Variants in CCSER1 observed in about 807,000 individuals in gnomAD.
CCSER1 encodes the protein serine-rich coiled-coil domain-containing protein 1.
Under a neutral mutation model 82.0 loss-of-function variants are expected in CCSER1, and 41 were observed. The ratio of observed to expected loss-of-function variants is 0.50; its 90% CI spans 0.39 to 0.65. The LOEUF (loss-of-function observed/expected upper bound fraction) is 0.65. Ranked by LOEUF, CCSER1 falls within the 30% of genes least tolerant of loss-of-function variation. CCSER1 has a pLI of 0.00. For synonymous variants in CCSER1, 414 were observed against 383.9 expected (o/e 1.08, Z -0.92); for missense variants, 1,119 against 1,064.2 (o/e 1.05, Z -0.72).
At chr4:91,191,665 T>C (rs543575804) in intron 10 of CCSER1, among the ~76,000 whole-genome samples, 1 of 152,266 alleles carries the variant, frequency 6.6e-6, no homozygotes, top group South Asian at 2.1e-4. Flanking sequence ...TTCAGGGAAA[T>C]TCAGGGGCAG....
intron 8 of CCSER1, among the ~76,000 whole-genome samples, chr4:90,856,357 C>A (rs1406909701): frequency 6.6e-6 from 1 of 152,028 alleles, no homozygotes; most frequent in South Asian, 2.1e-4. Flanking sequence ...AAGTAACATT[C>A]GATGTATCAA....
At chr4:90,927,383 T>G (rs1433769712) in intron 9 of CCSER1, among the ~76,000 whole-genome samples, 1 of 152,036 alleles carries the variant, frequency 6.6e-6, no homozygotes, top group Non-Finnish European at 1.5e-5. Context: ...TCTTTAAGAC[T>G]TCTGATGTTA....
intron 10 of CCSER1, among the ~76,000 whole-genome samples, chr4:91,482,408 C>CAAAA (rs537828832): frequency 1.6e-4 from 11 of 69,964 alleles, no homozygotes; most frequent in African/African-American, 2.4e-4. Flanking sequence ...GACTCCGTCT[C>CAAAA]AAAAAAAAAA....
At chr4:91,028,255 T>C (rs1200560934) in intron 9 of CCSER1, among the ~76,000 whole-genome samples, 1 of 152,098 alleles carries the variant, frequency 6.6e-6, no homozygotes, top group East Asian at 1.9e-4. Flanking sequence ...CATATACTTA[T>C]CAGAATGGAG....
intron 9 of CCSER1, among the ~76,000 whole-genome samples, chr4:91,046,269 TA>T (rs754877268): frequency 6.6e-6 from 1 of 152,070 alleles, no homozygotes; most frequent in Non-Finnish European, 1.5e-5. Context: ...AATATTCAGC[TA>T]CTATAGTCTA....
In CCSER1 at chr4:91,496,697, AAT is replaced by A. The variant is rs1329165102; in HGVS notation, c.2218-101862_2218-101861del. Among the ~76,000 whole-genome samples, 126 of 29,370 alleles carry A rather than the reference AAT, an allele frequency of 4.3e-3. 37 individuals are homozygous for A. Among genetic ancestry groups the A allele is most frequent in the South Asian group, 0.015 (9 of 618 alleles). The allele number at this position is 29,370 out of a possible 152,430, so 19.3% of individuals were successfully genotyped here. Reference sequence around the variant, plus strand: ...AATATATTTGAATATATATATATTCAATATATATATATATTCAATATATAGAA... The same window carrying A: ...AATATATTTGAATATATATATATTCAATATATATATATTCAATATATAGAA... On this transcript the variant is annotated intron_variant, in intron 10 of 10. Coordinates refer to ENST00000509176, the MANE Select transcript of CCSER1 (RefSeq NM_001145065.2).
chr4:91,018,964 C>A (rs903562714), intron 9 of CCSER1, among the ~76,000 whole-genome samples: 9 of 151,960 alleles, frequency 5.9e-5, no homozygotes, highest in African/African-American at 2.2e-4. Context: ...TTCACTATTT[C>A]TTCTATACTG....
At chr4:90,303,377 A>G (rs1457036394) in intron 1 of CCSER1, among the ~76,000 whole-genome samples, 1 of 152,150 alleles carries the variant, frequency 6.6e-6, no homozygotes, top group East Asian at 1.9e-4. Context: ...AGCTGGAGGC[A>G]TCACACTACC....
chr4:90,696,603 C>A (rs535872906), intron 6 of CCSER1, among the ~76,000 whole-genome samples: 45 of 152,230 alleles, frequency 3.0e-4, no homozygotes, highest in African/African-American at 1.1e-3. Flanking sequence ...AGTTCGCTTA[C>A]CATCATAGCA....
In CCSER1 at chr4:90,222,573, C is replaced by G. The variant is rs184835568; in HGVS notation, c.-41-85671C>G. 1.7e-3 allele frequency among the ~76,000 whole-genome samples: 262 copies of G among 152,230 alleles called. 2 individuals carry two copies. Among genetic ancestry groups the G allele is most frequent in the African/African-American group, 5.9e-3 (244 of 41,548 alleles). On this transcript the variant is annotated intron_variant, in intron 1 of 10. Transcript: ENST00000509176. ...GAAGGAACAGATCACACAATTTACGCACGTTTATTTTATAGTGGAATTTTT... is the reference window on the plus strand; with the variant it reads ...GAAGGAACAGATCACACAATTTACGGACGTTTATTTTATAGTGGAATTTTT...
chr4:90,469,680 A>C (rs1764108034), intron 5 of CCSER1, among the ~76,000 whole-genome samples: 1 of 152,068 alleles, frequency 6.6e-6, no homozygotes, highest in African/African-American at 2.4e-5. Context: ...AGTTATGTTG[A>C]CCATTCTATA....
chr4:91,474,608 C>T (rs1757461593), intron 10 of CCSER1, among the ~76,000 whole-genome samples: 1 of 151,044 alleles, frequency 6.6e-6, no homozygotes, highest in Non-Finnish European at 1.5e-5. Flanking sequence ...TACATTTTAC[C>T]ACATCAGGCT....
At chr4:90,227,440 T>C (rs984837320) in intron 1 of CCSER1, among the ~76,000 whole-genome samples, 1 of 152,226 alleles carries the variant, frequency 6.6e-6, no homozygotes, top group African/African-American at 2.4e-5. Flanking sequence ...CTAATATTTG[T>C]AACTACACAG....
chr4:91,424,585 C>T (rs926516676), intron 10 of CCSER1, among the ~76,000 whole-genome samples: 4 of 152,130 alleles, frequency 2.6e-5, no homozygotes, highest in South Asian at 4.1e-4. Flanking sequence ...TCAATGTTCT[C>T]ATCAGTAACA....
intron 6 of CCSER1, among the ~76,000 whole-genome samples, chr4:90,645,832 A>G (rs1001310129): frequency 3.3e-5 from 5 of 152,208 alleles, no homozygotes; most frequent in African/African-American, 9.6e-5. Flanking sequence ...ATTGAGAAAC[A>G]TATCTATTTT....
At chr4:91,092,024 A>G (rs1724012135) in intron 10 of CCSER1, among the ~76,000 whole-genome samples, 1 of 152,182 alleles carries the variant, frequency 6.6e-6, no homozygotes, top group Non-Finnish European at 1.5e-5. Context: ...ATAATGTTTC[A>G]TAAGGGGAGT....
chr4:90,910,353 G>C (rs1217234336), intron 8 of CCSER1, among the ~76,000 whole-genome samples: 1 of 152,116 alleles, frequency 6.6e-6, no homozygotes, highest in Non-Finnish European at 1.5e-5. Context: ...TTTACATCTA[G>C]AATATGACGC....
chr4:90,613,960 G>T (rs1720728806), intron 5 of CCSER1, among the ~76,000 whole-genome samples: 1 of 151,924 alleles, frequency 6.6e-6, no homozygotes, highest in Admixed American at 6.6e-5. Context: ...TCATTTTATT[G>T]CACCTTGCTT....
intron 9 of CCSER1, among the ~76,000 whole-genome samples, chr4:91,043,161 C>A (rs1304484158): frequency 1.3e-5 from 2 of 151,802 alleles, no homozygotes; most frequent in East Asian, 3.9e-4. Flanking sequence ...AAAATAATAA[C>A]TTAAAAACAA....
Sources: gnomAD v4.1 joint callset for allele counts (sites outside exome capture counted in the v4.1 genomes callset) on GRCh38, gnomAD v4.1.1 for gene constraint, MANE v1.5 for transcripts, NCBI Gene and HGNC (gene_info 2026-07-23, HGNC 2026-07-21) for gene names.